ATXN3: variants seen among roughly 807,000 people sequenced by gnomAD.
ATXN3 encodes the protein ataxin 3.
Under a neutral mutation model 58.2 loss-of-function variants are expected in ATXN3, and 28 were observed. The ratio of observed to expected loss-of-function variants is 0.48; its 90% CI spans 0.36 to 0.66. The LOEUF (loss-of-function observed/expected upper bound fraction) is 0.66, where lower values mean the gene tolerates loss of function less well. Ranked by LOEUF, ATXN3 falls within the 30% of genes least tolerant of loss-of-function variation. The pLI, the probability that ATXN3 is intolerant of heterozygous loss-of-function variation, is 0.00. For missense variants in ATXN3, 321 were observed against 422.1 expected (o/e 0.76, Z 2.10); for synonymous variants, 113 against 138.5 (o/e 0.82, Z 1.29).
At chr14:92,101,147 A>T (rs2066680116) in intron 1 of ATXN3, among the ~76,000 whole-genome samples, 1 of 152,226 alleles carries the variant, frequency 6.6e-6, no homozygotes. Context: ...ATGGAAGGAA[A>T]GGACAAACTG....
chr14:92,106,472 G>A, intron 1 of ATXN3, 57 bp downstream of exon 1: 1 of 1,609,942 alleles, frequency 6.2e-7, no homozygotes, highest in Non-Finnish European at 8.5e-7. Context: ...CGGTGATGCC[G>A]CGCTCCACGC....
intron 1 of ATXN3, among the ~76,000 whole-genome samples, chr14:92,101,735 G>A (rs1470225504): frequency 1.3e-5 from 2 of 152,074 alleles, no homozygotes; most frequent in African/African-American, 4.8e-5. Context: ...GCAGGCGCCT[G>A]TAGTCCCAGG....
rs900768680 is a variant in ATXN3, at chr14:92,063,702, G to A, written c.*618C>T. 3 of 152,182 alleles carry A rather than the reference G, an allele frequency of 2.0e-5. No homozygotes were observed. The highest frequency in any genetic ancestry group is 2.0e-4 in the Admixed American group (3 of 15,268). 9.4% of individuals were successfully genotyped at this position (152,182 alleles called of 1,614,324 possible). A position where few individuals can be genotyped will look rare whatever the true frequency, so the allele number is the denominator to read the frequency against. On this transcript the variant is annotated 3_prime_UTR_variant, in exon 11 of 11. Coordinates refer to ENST00000644486, the MANE Select transcript of ATXN3 (RefSeq NM_004993.6). ...GCTTAAAACGCTAAACCTCAGAAAA[G>A]ATTACCATCTTTCAAAAGAATTGTG... is the stretch of plus-strand genomic sequence containing the variant.
downstream of ATXN3, among the ~76,000 whole-genome samples, chr14:92,057,992 G>T (rs1306553262): frequency 6.6e-6 from 1 of 152,088 alleles, no homozygotes; most frequent in African/African-American, 2.4e-5. Context: ...TTAAAGGCAT[G>T]AGCCACTGGC....
At chr14:92,097,383 A>C (rs1595962181) in intron 1 of ATXN3, among the ~76,000 whole-genome samples, 1 of 151,234 alleles carries the variant, frequency 6.6e-6, no homozygotes, top group Non-Finnish European at 1.5e-5. Context: ...ATGCACCACC[A>C]TGCCTGGCTA....
At chr14:92,052,185 A>G (rs2057451060), upstream of ATXN3, among the ~76,000 whole-genome samples, 1 of 152,062 alleles carries the variant, frequency 6.6e-6, no homozygotes, top group African/African-American at 2.4e-5. Flanking sequence ...GTCATCCTCC[A>G]AAAAACAAAA....
intron 9 of ATXN3, among the ~76,000 whole-genome samples, chr14:92,072,609 G>A (rs7144492): frequency 0.54 from 80,478 of 148,602 alleles, 22,240 homozygotes; most frequent in African/African-American, 0.68. Context: ...TACTCAATCT[G>A]TATTTCATAT....
intron 9 of ATXN3, among the ~76,000 whole-genome samples, chr14:92,074,752 C>T (rs2060048458): frequency 6.6e-6 from 1 of 152,114 alleles, no homozygotes; most frequent in South Asian, 2.1e-4. Flanking sequence ...TAAATTATAC[C>T]ATATCACTGA....
chr14:92,055,636 T>C (rs567087756), downstream of ATXN3, among the ~76,000 whole-genome samples: 89 of 152,322 alleles, frequency 5.8e-4, no homozygotes, highest in Middle Eastern at 0.02. The surrounding 1 kb of genome is among the most constrained non-coding windows in gnomAD (Gnocchi z 4.5). Context: ...GACTAGAAGC[T>C]CCTGGAAGAT....
rs1162614326 is a variant in ATXN3, at chr14:92,063,904, G to GA, written c.*415dup. The GA allele has an allele frequency of 6.4e-6, 1 of 155,780 alleles. No individual in the cohort carries two copies. The highest frequency in any genetic ancestry group is 2.4e-5 in the African/African-American group (1 of 41,436). The allele number at this position is 155,780 out of a possible 1,614,324, so 9.6% of individuals were successfully genotyped here. A position where few individuals can be genotyped will look rare whatever the true frequency, so the allele number is the denominator to read the frequency against. On this transcript the variant is annotated 3_prime_UTR_variant, in exon 11 of 11. Transcript: ENST00000644486. Reference sequence around the variant, plus strand: ...CCTGAAAGGTTAATTTGGTTAATAAGAAATGAAAGCCACTATTACATGATG... The same window carrying GA: ...CCTGAAAGGTTAATTTGGTTAATAAGAAAATGAAAGCCACTATTACATGATG...
rs1036431231 is a variant in ATXN3, at chr14:92,097,231, A to T, written c.25-393T>A. On this transcript the variant is annotated intron_variant, in intron 1 of 10. Transcript: ENST00000644486. ...GCTCCCCTAAATAATTTAATCATTAATTTTTTTTTTTTTTGAGACAGAGTC... is the reference window on the plus strand; with the variant it reads ...GCTCCCCTAAATAATTTAATCATTATTTTTTTTTTTTTTTGAGACAGAGTC... 2.2e-4 allele frequency among the ~76,000 whole-genome samples: 30 copies of T among 138,996 alleles called. No individual in the cohort carries two copies. The East Asian group carries it at 2.4e-3, about 11-fold the overall frequency. The allele number at this position is 138,996 out of a possible 152,430, so 91.2% of individuals were successfully genotyped here.
rs538593472 is a variant in ATXN3, at chr14:92,084,906, T to G, written c.476-1648A>C. ...ATTTTTCTTAAACTTTGGTGTTTGTTATTGGATATCCTTTGTTGGATTAAC... is the reference window on the plus strand; with the variant it reads ...ATTTTTCTTAAACTTTGGTGTTTGTGATTGGATATCCTTTGTTGGATTAAC... On this transcript the variant is annotated intron_variant, in intron 6 of 10. Transcript: ENST00000644486. Among the ~76,000 whole-genome samples, 4 of 152,272 alleles carry G rather than the reference T, an allele frequency of 2.6e-5. No homozygotes were observed. The South Asian group carries it at 8.3e-4, about 32-fold the overall frequency.
At chr14:92,074,668 A>G (rs539410331) in intron 9 of ATXN3, among the ~76,000 whole-genome samples, 1 of 152,210 alleles carries the variant, frequency 6.6e-6, no homozygotes, top group South Asian at 2.1e-4. Flanking sequence ...GATTATGTAA[A>G]CCCCTAATTT....
chr14:92,100,669 A>G (rs1225685404), intron 1 of ATXN3, among the ~76,000 whole-genome samples: 1 of 152,214 alleles, frequency 6.6e-6, no homozygotes, highest in African/African-American at 2.4e-5. Context: ...AAAATCAGGC[A>G]AAACTCATTT....
chr14:92,051,713 C>CTT (rs1168763514), upstream of ATXN3, among the ~76,000 whole-genome samples: 1 of 69,690 alleles, frequency 1.4e-5, no homozygotes, highest in Non-Finnish European at 3.1e-5. Context: ...TTCTTCTTTT[C>CTT]CTTTCTTTTT....
At chr14:92,046,614 T>C (rs2057429186) in intron 2 of ATXN3, among the ~76,000 whole-genome samples, 2 of 142,630 alleles carry the variant, frequency 1.4e-5, no homozygotes, top group South Asian at 4.4e-4. Flanking sequence ...TTAGGGCTGT[T>C]TTTTAAGGAA....
chr14:92,082,439 C>T lies in ATXN3; in HGVS notation c.636G>A (p.Val212=), dbSNP rs773271553. 6.2e-7 allele frequency: 1 copy of T among 1,614,122 alleles called. No homozygotes were observed. Among genetic ancestry groups the T allele is most frequent in the East Asian group, 2.2e-5 (1 of 44,880 alleles). ...TTCCTGAGCCATCATTTGCTTCTAA[C>T]ACTCGTTCCAGGTCTGTTTTATGGA... The part of the protein sequence containing the change: ...QRVHKTDLER[V]LEANDGSGML... Residue 212 remains valine, a synonymous_variant, in exon 8 of 11, where the codon GTG becomes GTA. Coordinates refer to ENST00000644486, the MANE Select transcript of ATXN3 (RefSeq NM_004993.6).
At chr14:92,046,412 G>A (rs2057428136) in intron 2 of ATXN3, 1 of 152,350 alleles carries the variant, frequency 6.6e-6, no homozygotes, top group Admixed American at 6.5e-5. Context: ...CAGTCATGGG[G>A]GTCAGGTGTG....
At chr14:92,075,316 C>A (rs557932776) in intron 9 of ATXN3, among the ~76,000 whole-genome samples, 10 of 152,012 alleles carry the variant, frequency 6.6e-5, no homozygotes, top group Admixed American at 2.6e-4. Context: ...AGGCGCCCGC[C>A]ACCATACTCG....
Sources: allele counts gnomAD v4.1 joint callset (sites outside exome capture counted in the v4.1 genomes callset), GRCh38; gene constraint gnomAD v4.1.1; non-coding constraint Gnocchi (gnomAD v3.1); transcripts MANE v1.5; gene names NCBI Gene and HGNC (gene_info 2026-07-23, HGNC 2026-07-21).